The following TRAPPC8 variants were observed in gnomAD, a reference collection of about 807,000 sequenced individuals.
TRAPPC8 encodes the protein trafficking protein particle complex subunit 8.
A neutral mutation model predicts 174.3 loss-of-function variants in TRAPPC8; 54 were observed. That is an observed-to-expected ratio of 0.31 (90% CI 0.25 to 0.39). TRAPPC8 has a LOEUF of 0.39. TRAPPC8 is among the 10% of genes least tolerant of loss of function. The pLI, the probability that TRAPPC8 is intolerant of heterozygous loss-of-function variation, is 1.00. For synonymous variants in TRAPPC8, 630 were observed against 579.9 expected (o/e 1.09, Z -1.24); for missense variants, 1,531 against 1,699.1 (o/e 0.90, Z 1.74).
chr18:31,918,156 TA>T lies in TRAPPC8; in HGVS notation c.353-490del, dbSNP rs199618721. On this transcript the variant is annotated intron_variant, in intron 2 of 28. Coordinates refer to ENST00000283351, the MANE Select transcript of TRAPPC8 (RefSeq NM_014939.5). ...AATAATAATAATAATAAACTGAGTA[TA>T]TATGTACACACACCTTTTAAGCCAT... 7.2e-3 allele frequency among the ~76,000 whole-genome samples: 1,099 copies of T among 152,110 alleles called. 14 individuals are homozygous for T. Among genetic ancestry groups the T allele is most frequent in the African/African-American group, 0.025 (1,054 of 41,482 alleles).
At chr18:31,873,568 A>G (rs750959392) in intron 13 of TRAPPC8, 30 bp from the exon 14 acceptor site, 135 of 1,518,936 alleles carry the variant, frequency 8.9e-5, no homozygotes, top group Non-Finnish European at 1.2e-4. Context: ...GAAAAAAAGT[A>G]GTTTTTGTGA....
intron 14 of TRAPPC8, among the ~76,000 whole-genome samples, chr18:31,871,791 T>C (rs2034874921): frequency 6.6e-6 from 1 of 152,116 alleles, no homozygotes; most frequent in African/African-American, 2.4e-5. Context: ...CAATTAATCC[T>C]CTATTAGGAA....
chr18:31,882,258 G>C (rs560243935), intron 12 of TRAPPC8, among the ~76,000 whole-genome samples: 2 of 152,090 alleles, frequency 1.3e-5, no homozygotes, highest in East Asian at 3.8e-4. Flanking sequence ...ACACACCATG[G>C]AATATGACAC....
At chr18:31,912,755 A>G (rs1207916382) in intron 5 of TRAPPC8, among the ~76,000 whole-genome samples, 1 of 152,236 alleles carries the variant, frequency 6.6e-6, no homozygotes, top group African/African-American at 2.4e-5. Context: ...TGAATTAAAC[A>G]GACAAGTCAG....
intron 27 of TRAPPC8, among the ~76,000 whole-genome samples, chr18:31,835,958 T>C (rs2032690613): frequency 6.6e-6 from 1 of 152,228 alleles, no homozygotes; most frequent in Admixed American, 6.5e-5. Context: ...CCCAAGTTTC[T>C]TCAGGTGCCA....
intron 12 of TRAPPC8, among the ~76,000 whole-genome samples, chr18:31,877,097 T>A (rs911343301): frequency 6.6e-6 from 1 of 152,192 alleles, no homozygotes; most frequent in Non-Finnish European, 1.5e-5. Context: ...GGGGGGACAG[T>A]AGCCTGCCAA....
At chr18:31,941,945 A>T (rs2038363303) in intron 1 of TRAPPC8, among the ~76,000 whole-genome samples, 1 of 152,208 alleles carries the variant, frequency 6.6e-6, no homozygotes, top group African/African-American at 2.4e-5. Context: ...CCCTATAACT[A>T]TAGATAACTC....
At chr18:31,872,263 T>C (rs1025201728) in intron 14 of TRAPPC8, among the ~76,000 whole-genome samples, 1 of 152,176 alleles carries the variant, frequency 6.6e-6, no homozygotes, top group Non-Finnish European at 1.5e-5. Context: ...TATTTATACT[T>C]TTGTTCCATT....
intron 1 of TRAPPC8, among the ~76,000 whole-genome samples, chr18:31,935,547 T>C (rs1418428095): frequency 5.8e-3 from 4 of 688 alleles, no homozygotes; most frequent in African/African-American, 8.0e-3. Flanking sequence ...AAACTCCATC[T>C]TAAAAAAAAA....
Position 31,874,651 on chromosome 18 carries a change from T to G in TRAPPC8, c.1782A>C (p.Lys594Asn). ...TGTGATCCTCTGCAAGAGACCAGCC[T>G]TTTCCTTTGTAAACTTGCATGGCTT... Reference protein sequence around the residue: ...YCQAMQVYKGKGWSLAEDHIN... With the variant: ...YCQAMQVYKGNGWSLAEDHIN... The change falls in exon 13 of 29, where the codon AAA becomes AAC. Residue 594 changes from lysine (K) to asparagine (N), a missense_variant. Lys to Asn is a moderately conservative substitution (Grantham distance 94). Coordinates refer to ENST00000283351, the MANE Select transcript of TRAPPC8 (RefSeq NM_014939.5). 1.2e-6 allele frequency: 2 copies of G among 1,614,076 alleles called. No individual in the cohort carries two copies. Among genetic ancestry groups the G allele is most frequent in the Non-Finnish European group, 1.7e-6 (2 of 1,179,998 alleles).
At chr18:31,870,222 CA>C (rs1297241920) in intron 16 of TRAPPC8, 149 bp downstream of exon 16, 2 of 610,376 alleles carry the variant, frequency 3.3e-6, no homozygotes, top group Non-Finnish European at 5.0e-6. Context: ...TTTCAATTTT[CA>C]AAAATAAGTA....
At chr18:31,913,310 A>G in intron 5 of TRAPPC8, 59 bp downstream of exon 5, 1 of 1,510,570 alleles carries the variant, frequency 6.6e-7, no homozygotes, top group Non-Finnish European at 8.8e-7. Context: ...TAGTTAAACC[A>G]AAACGTAAAA....
intron 9 of TRAPPC8, among the ~76,000 whole-genome samples, 170 bp downstream of exon 9, chr18:31,907,290 T>C (rs1243656709): frequency 6.6e-6 from 1 of 152,194 alleles, no homozygotes; most frequent in East Asian, 1.9e-4. Flanking sequence ...GCTAATCAAC[T>C]AGTCTGAGGG....
At chr18:31,939,167 C>A (rs1017314972) in intron 1 of TRAPPC8, among the ~76,000 whole-genome samples, 5 of 148,734 alleles carry the variant, frequency 3.4e-5, no homozygotes, top group African/African-American at 1.2e-4. Context: ...GTAAAGAATT[C>A]TAAAATGTAT....
chr18:31,891,301 A>G (rs555779451), intron 11 of TRAPPC8: 1 of 152,500 alleles, frequency 6.6e-6, no homozygotes, highest in South Asian at 2.1e-4. Context: ...AAACATGTAC[A>G]TAGATTATGA....
chr18:31,909,131 G>A, intron 6 of TRAPPC8, 121 bp from the exon 7 acceptor site: 1 of 949,268 alleles, frequency 1.1e-6, no homozygotes, highest in Non-Finnish European at 1.4e-6. Context: ...TTTCAGTATA[G>A]GTAAATGTCT....
chr18:31,829,762 C>G lies in TRAPPC8; in HGVS notation c.*993G>C, dbSNP rs995360871. 1.3e-5 allele frequency: 2 copies of G among 152,098 alleles called. No homozygotes were observed. Among genetic ancestry groups the G allele is most frequent in the Non-Finnish European group, 2.9e-5 (2 of 67,998 alleles). 9.4% of individuals were successfully genotyped at this position (152,098 alleles called of 1,614,324 possible). ...GCTCTTGTACTCCCTGCCACCCACT[C>G]CTACACCCTGTCTTCCCTCCTTCTC... is the stretch of plus-strand genomic sequence containing the variant. On this transcript the variant is annotated 3_prime_UTR_variant, in exon 29 of 29. Transcript: ENST00000283351.
intron 13 of TRAPPC8, chr18:31,874,219 T>C: frequency 4.1e-6 from 2 of 484,934 alleles, no homozygotes; most frequent in Non-Finnish European, 7.2e-6. Context: ...AGAAAACCTG[T>C]GGAATCTTTT....
At position 31,932,049 on chromosome 18, in the gene TRAPPC8, G is replaced by A. The variant is rs188553017; in HGVS notation, c.158-526C>T. Among the ~76,000 whole-genome samples the A allele has an allele frequency of 2.2e-3, 329 of 152,158 alleles. 1 individual carries two copies. Among genetic ancestry groups the A allele is most frequent in the Admixed American group, 7.7e-3 (118 of 15,270 alleles). The stretch of plus-strand genomic sequence containing the variant: ...TGTGGTGGAGGCTGTGCATGTGCAG[G>A]GCCAAGAGGTATGTAGAAACTCTCT... On this transcript the variant is annotated intron_variant, in intron 1 of 28. Transcript: ENST00000283351.
Sources: gnomAD v4.1 joint callset for allele counts (sites outside exome capture counted in the v4.1 genomes callset) on GRCh38, gnomAD v4.1.1 for gene constraint, MANE v1.5 for transcripts, NCBI Gene and HGNC (gene_info 2026-07-23, HGNC 2026-07-21) for gene names.